JPH3: variants seen among roughly 807,000 people sequenced by gnomAD.
The protein encoded by JPH3 is junctophilin 3, also known as junctophilin-3.
JPH3 carries 11 observed loss-of-function variants against 59.6 expected under a neutral mutation model. The observed-to-expected ratio is 0.18, with a 90% CI of 0.12 to 0.31. The LOEUF (loss-of-function observed/expected upper bound fraction) is 0.31. Among genes scored for constraint, JPH3 ranks in the 10% least tolerant of loss-of-function variants. JPH3 has a pLI of 1.00. For synonymous variants in JPH3, 673 were observed against 483.6 expected (o/e 1.39, Z -5.14); for missense variants, 1,202 against 1,105.7 (o/e 1.09, Z -1.24).
intron 1 of JPH3, among the ~76,000 whole-genome samples, chr16:87,639,879 G>T (rs985625087): frequency 6.6e-6 from 1 of 152,172 alleles, no homozygotes; most frequent in Admixed American, 6.5e-5. Context: ...TCCACTGCAT[G>T]GGGGGACCAC....
At chr16:87,676,741 A>G (rs1327079761) in intron 2 of JPH3, among the ~76,000 whole-genome samples, 1 of 151,464 alleles carries the variant, frequency 6.6e-6, no homozygotes, top group Non-Finnish European at 1.5e-5. Flanking sequence ...CTCAAAAAAA[A>G]AATTGTTATC....
rs2033722845 is a variant in JPH3, at chr16:87,694,502, G to T, written c.2167-2078G>T. 2.0e-5 allele frequency: 3 copies of T among 152,216 alleles called. No homozygotes were observed. The South Asian group carries it at 6.2e-4, about 32-fold the overall frequency. 9.4% of individuals were successfully genotyped at this position (152,216 alleles called of 1,614,324 possible). A position where few individuals can be genotyped will look rare whatever the true frequency, so the allele number is the denominator to read the frequency against. On this transcript the variant is annotated intron_variant, in intron 4 of 4. Coordinates refer to ENST00000284262, the MANE Select transcript of JPH3 (RefSeq NM_020655.4). ...GACGGCAGGCTGCCATCCCCAGAGG[G>T]AGTTCTCCGGGCAAGGCCGTGACCC...
At position 87,644,679 on chromosome 16, in the gene JPH3, G is replaced by A. The variant is rs779846817; in HGVS notation, c.804G>A (p.Glu268=). The A allele has an allele frequency of 4.3e-6, 7 of 1,611,918 alleles. No individual in the cohort carries two copies. In the Admixed American group the frequency reaches 8.3e-5, roughly 19 times the overall value. The change falls in exon 2 of 5, where the codon GAG becomes GAA. Residue 268 remains glutamate, a synonymous_variant. Transcript: ENST00000284262. ...SDIHSTISLG[E]AEAELAVIED... is the part of the protein sequence containing the mutation. ...TCCACTCCACCATCAGCCTGGGCGA[G>A]GCTGAGGCCGAGCTGGCGGTCATCG...
intron 4 of JPH3, 63 bp from the exon 5 acceptor site, chr16:87,696,517 C>A: frequency 7.4e-7 from 1 of 1,350,950 alleles, no homozygotes; most frequent in Non-Finnish European, 1.1e-6. Context: ...GGGTGGGAGG[C>A]GTGGTGGCCC....
chr16:87,664,085 A>C (rs1236736424), intron 2 of JPH3, among the ~76,000 whole-genome samples: 1 of 148,870 alleles, frequency 6.7e-6, no homozygotes, highest in Non-Finnish European at 1.5e-5. Flanking sequence ...TAATCCCAGC[A>C]CTTTGGGAGG....
intron 1 of JPH3, among the ~76,000 whole-genome samples, chr16:87,626,476 C>G (rs1018129426): frequency 6.6e-6 from 1 of 152,232 alleles, no homozygotes; most frequent in African/African-American, 2.4e-5. Flanking sequence ...GAGGTTTCAC[C>G]TGGGGCCCGG....
chr16:87,643,107 C>T (rs1215730490), intron 1 of JPH3, among the ~76,000 whole-genome samples: 1 of 152,206 alleles, frequency 6.6e-6, no homozygotes, highest in Non-Finnish European at 1.5e-5. Context: ...AGCGTGACTA[C>T]TCTAAGGACC....
At chr16:87,619,087 C>CA (rs59368116) in intron 1 of JPH3, among the ~76,000 whole-genome samples, 21 of 140,554 alleles carry the variant, frequency 1.5e-4, no homozygotes, top group African/African-American at 3.2e-4. Flanking sequence ...GACTCTGTCT[C>CA]AAAAAAAAAA....
intron 2 of JPH3, among the ~76,000 whole-genome samples, chr16:87,647,592 G>GA (rs1167046866): frequency 2.6e-5 from 4 of 152,190 alleles, no homozygotes; most frequent in Non-Finnish European, 5.9e-5. Context: ...CGCGGGGAGG[G>GA]AGGTGGTTCC....
chr16:87,645,085 T>A, intron 2 of JPH3, 50 bp downstream of exon 2: 1 of 1,550,060 alleles, frequency 6.5e-7, no homozygotes, highest in Non-Finnish European at 8.7e-7. Flanking sequence ...AGAAGGTGTT[T>A]GTGAGCCCAG....
rs1015027673 is a variant in JPH3 at position 87,644,124 on chromosome 16, C to T, written c.383-134C>T. The T allele has an allele frequency of 1.7e-4, 163 of 949,652 alleles. 1 individual carries two copies. In the South Asian group the frequency reaches 2.3e-3, roughly 14 times the overall value. The allele number at this position is 949,652 out of a possible 1,614,324, so 58.8% of individuals were successfully genotyped here. On this transcript the variant is annotated intron_variant, in intron 1 of 4. Coordinates refer to ENST00000284262, the MANE Select transcript of JPH3 (RefSeq NM_020655.4). ...CTGCACTCCAGCCTGGGCAACACAG[C>T]GAGAACCTGTCTCAAAAAACACAAA...
chr16:87,668,684 C>A (rs1312919930), intron 2 of JPH3, among the ~76,000 whole-genome samples: 4 of 152,280 alleles, frequency 2.6e-5, no homozygotes, highest in Admixed American at 2.0e-4. Context: ...TGGCCAGATA[C>A]CTCATCTGGT....
chr16:87,662,972 A>G (rs1424116981), intron 2 of JPH3, among the ~76,000 whole-genome samples: 1 of 152,160 alleles, frequency 6.6e-6, no homozygotes, highest in Non-Finnish European at 1.5e-5. Context: ...TGAGCTCACT[A>G]ATCTCAGCCG....
rs76102598 is a variant in JPH3 at position 87,679,997 on chromosome 16, C to T, written c.1161-4145C>T. Among the ~76,000 whole-genome samples the T allele has an allele frequency of 3.5e-3, 540 of 152,328 alleles. 9 individuals carry two copies. The highest frequency in any genetic ancestry group is 0.027 in the Admixed American group (412 of 15,312). ...CTGTTGGGGGGCCTGTGGACCCCGC[C>T]TCTAAGCCTGGGTCTTCCTCTGGGC... On this transcript the variant is annotated intron_variant, in intron 2 of 4. Transcript: ENST00000284262.
chr16:87,606,017 T>C (rs2030506229), intron 1 of JPH3, among the ~76,000 whole-genome samples: 1 of 152,212 alleles, frequency 6.6e-6, no homozygotes, highest in Admixed American at 6.5e-5. Flanking sequence ...TGGGCCACTT[T>C]TCTGGAGGGC....
chr16:87,693,660 G>A (rs1021475428), intron 4 of JPH3: 6 of 152,396 alleles, frequency 3.9e-5, no homozygotes, highest in Non-Finnish European at 5.9e-5. Flanking sequence ...CTGGGCAACA[G>A]AGCGAGACTC....
chr16:87,649,893 G>C (rs1241307133), intron 2 of JPH3, among the ~76,000 whole-genome samples: 3 of 152,238 alleles, frequency 2.0e-5, no homozygotes, highest in Non-Finnish European at 4.4e-5. Context: ...GCCTGCAAAA[G>C]CTCAGCCAGG....
intron 4 of JPH3, chr16:87,696,258 G>A: frequency 2.1e-6 from 1 of 468,780 alleles, no homozygotes; most frequent in Non-Finnish European, 4.0e-6. Context: ...ACGTTTGCTT[G>A]CAGGGAGGCC....
At chr16:87,618,183 T>A (rs983766250) in intron 1 of JPH3, among the ~76,000 whole-genome samples, 2 of 151,686 alleles carry the variant, frequency 1.3e-5, no homozygotes, top group African/African-American at 4.8e-5. Context: ...AATAAATAAA[T>A]AATAAAACTT....
Sources: gnomAD v4.1 joint callset for allele counts (sites outside exome capture counted in the v4.1 genomes callset) on GRCh38, gnomAD v4.1.1 for gene constraint, MANE v1.5 for transcripts, NCBI Gene and HGNC (gene_info 2026-07-23, HGNC 2026-07-21) for gene names.